RAP1A: variants seen among roughly 807,000 people sequenced by gnomAD.
RAP1A encodes ras-related protein Rap-1A.
A neutral mutation model predicts 26.4 loss-of-function variants in RAP1A; 6 were observed. The ratio of observed to expected loss-of-function variants is 0.23; its 90% confidence interval spans 0.12 to 0.45. The LOEUF is 0.45. RAP1A is among the 20% of genes least tolerant of loss of function. RAP1A has a pLI of 0.99. For synonymous variants in RAP1A, 73 were observed against 79.4 expected (o/e 0.92, Z 0.43); for missense variants, 121 against 217.2 (o/e 0.56, Z 2.78).
At chr1:111,628,420 T>A (rs1255560873) in intron 1 of RAP1A, among the ~76,000 whole-genome samples, 2 of 152,088 alleles carry the variant, frequency 1.3e-5, no homozygotes, top group Non-Finnish European at 2.9e-5. Context: ...AGCCTAGGCT[T>A]TTGTATAGTT....
chr1:111,607,066 C>A (rs1305432196), intron 1 of RAP1A, among the ~76,000 whole-genome samples: 2 of 150,138 alleles, frequency 1.3e-5, no homozygotes, highest in South Asian at 2.1e-4. Flanking sequence ...GTGTTTCTCG[C>A]AGAGGGGGAT....
At chr1:111,557,996 A>G (rs1219233121) in intron 1 of RAP1A, among the ~76,000 whole-genome samples, 1 of 152,204 alleles carries the variant, frequency 6.6e-6, no homozygotes, top group Non-Finnish European at 1.5e-5. Flanking sequence ...TTAAAGGGGA[A>G]AAAATTGAAT....
chr1:111,638,096 A>G (rs897407256), intron 1 of RAP1A, among the ~76,000 whole-genome samples: 2 of 151,826 alleles, frequency 1.3e-5, no homozygotes, highest in Admixed American at 6.6e-5. Flanking sequence ...CATATAAATA[A>G]TTTTATATAG....
chr1:111,707,406 T>G (rs1024184553), intron 6 of RAP1A, among the ~76,000 whole-genome samples: 4 of 152,208 alleles, frequency 2.6e-5, no homozygotes, highest in Non-Finnish European at 4.4e-5. Flanking sequence ...AAGAAGAATT[T>G]GTTTACCCTT....
At chr1:111,561,962 G>A (rs1657758072) in intron 1 of RAP1A, among the ~76,000 whole-genome samples, 1 of 151,486 alleles carries the variant, frequency 6.6e-6, no homozygotes, top group Non-Finnish European at 1.5e-5. Context: ...CTGACACCAG[G>A]TCATCCCTAG....
At chr1:111,545,047 C>T (rs1440573006) in intron 1 of RAP1A, among the ~76,000 whole-genome samples, 3 of 135,990 alleles carry the variant, frequency 2.2e-5, no homozygotes, top group Non-Finnish European at 4.8e-5. Flanking sequence ...CAATTTGGTA[C>T]ATACCCAATT....
intron 1 of RAP1A, among the ~76,000 whole-genome samples, chr1:111,662,385 A>C (rs1246868043): frequency 8.5e-6 from 1 of 117,854 alleles, no homozygotes; most frequent in Non-Finnish European, 1.7e-5. Flanking sequence ...AAAGAGCGAG[A>C]CTCCATCTCA....
At chr1:111,548,803 A>C (rs1372725507) in intron 1 of RAP1A, among the ~76,000 whole-genome samples, 1 of 152,204 alleles carries the variant, frequency 6.6e-6, no homozygotes, top group Admixed American at 6.5e-5. Context: ...CAGTGATTTC[A>C]CCATTCTCCA....
chr1:111,711,158 A>G (rs529930577), intron 7 of RAP1A, among the ~76,000 whole-genome samples: 3 of 152,300 alleles, frequency 2.0e-5, no homozygotes, highest in South Asian at 4.1e-4. Context: ...ACTTTAAATC[A>G]TCAGTTCCCT....
chr1:111,581,463 C>T (rs1658257130), intron 1 of RAP1A, among the ~76,000 whole-genome samples: 1 of 152,170 alleles, frequency 6.6e-6, no homozygotes, highest in South Asian at 2.1e-4. Flanking sequence ...CTTTAATGTA[C>T]AGCACAGCCC....
intron 1 of RAP1A, among the ~76,000 whole-genome samples, chr1:111,643,591 C>A (rs1045453256): frequency 6.6e-6 from 1 of 152,162 alleles, no homozygotes; most frequent in Non-Finnish European, 1.5e-5. Flanking sequence ...TGGTTGCAAG[C>A]AACAGAACCA....
exon 1 of RAP1A, chr1:111,542,331 C>A: frequency 2.2e-6 from 1 of 449,848 alleles, no homozygotes; most frequent in Non-Finnish European, 4.5e-6. Flanking sequence ...AGAGAAGTGT[C>A]TGTGTGGCTC....
intron 1 of RAP1A, among the ~76,000 whole-genome samples, chr1:111,636,757 C>G (rs750421053): frequency 2.6e-5 from 4 of 152,156 alleles, no homozygotes; most frequent in Non-Finnish European, 5.9e-5. Flanking sequence ...GGATTACAGG[C>G]ATGAGCCACT....
In RAP1A at chr1:111,697,488, T is replaced by C; in HGVS notation, c.174T>C (p.Thr58=). 1 of 1,613,006 alleles carries C rather than the reference T, an allele frequency of 6.2e-7. No homozygotes were observed. Among genetic ancestry groups the C allele is most frequent in the Non-Finnish European group, 8.5e-7 (1 of 1,179,414 alleles). Residue 58 remains threonine, a synonymous_variant, in exon 4 of 8, where the codon ACT becomes ACC. Transcript: ENST00000369709. The part of the protein sequence containing the change: ...CQQCMLEILD[T]AGTEQFTAMR... ...AGTGTATGCTCGAAATCCTGGATAC[T>C]GCAGGGACAGTAAGGATGTTTTCTC... is the stretch of plus-strand genomic sequence containing the variant.
chr1:111,659,317 T>C (rs1411326660), intron 1 of RAP1A, among the ~76,000 whole-genome samples: 1 of 152,200 alleles, frequency 6.6e-6, no homozygotes, highest in Non-Finnish European at 1.5e-5. Context: ...AACAATATAC[T>C]TTATTAAAAG....
chr1:111,597,205 CCT>C (rs1284073768), intron 1 of RAP1A, among the ~76,000 whole-genome samples: 1 of 152,024 alleles, frequency 6.6e-6, no homozygotes, highest in Non-Finnish European at 1.5e-5. Context: ...CCTTTTTTCC[CCT>C]GTCATTGCAG....
chr1:111,632,170 A>C (rs1659586526), intron 1 of RAP1A, among the ~76,000 whole-genome samples: 1 of 151,346 alleles, frequency 6.6e-6, no homozygotes, highest in African/African-American at 2.4e-5. Flanking sequence ...TTTGTTGCTC[A>C]GAAATATGAA....
rs539495052 is a variant in RAP1A, at chr1:111,674,221, G to A, written c.-27-17113G>A. On this transcript the variant is annotated intron_variant, in intron 1 of 7. Coordinates refer to ENST00000369709, the MANE Select transcript of RAP1A (RefSeq NM_002884.4). ...AGACTGGAAAGGGGGTAGGGATGTA[G>A]GCATCCTTTTACGTGAAATATATGC... 6.6e-5 allele frequency among the ~76,000 whole-genome samples: 10 copies of A among 152,244 alleles called. No individual in the cohort carries two copies. In the East Asian group the frequency reaches 1.9e-3, roughly 29 times the overall value.
At chr1:111,673,381 A>G (rs1323558073) in intron 1 of RAP1A, among the ~76,000 whole-genome samples, 2 of 152,226 alleles carry the variant, frequency 1.3e-5, no homozygotes, top group Non-Finnish European at 2.9e-5. Context: ...ATTTTGTTTT[A>G]TAAGTTCAGT....
Sources: allele counts gnomAD v4.1 joint callset (sites outside exome capture counted in the v4.1 genomes callset), GRCh38; gene constraint gnomAD v4.1.1; transcripts MANE v1.5; gene names NCBI Gene and HGNC (gene_info 2026-07-23, HGNC 2026-07-21).